Variants in PTBP3 observed in about 807,000 individuals in gnomAD.
The protein encoded by PTBP3 is polypyrimidine tract-binding protein 3.
In PTBP3, 20 loss-of-function variants were observed where a neutral mutation model predicts 58.7. The observed-to-expected ratio is 0.34, with a 90% confidence interval of 0.24 to 0.50. The LOEUF is 0.50. PTBP3 is among the 20% of genes least tolerant of loss of function. PTBP3 has a pLI of 0.98. For synonymous variants in PTBP3, 185 were observed against 219.8 expected (o/e 0.84, Z 1.40); for missense variants, 509 against 637.2 (o/e 0.80, Z 2.17).
chr9:112,259,412 G>A (rs75605537), intron 5 of PTBP3, among the ~76,000 whole-genome samples: 439 of 152,218 alleles, frequency 2.9e-3, no homozygotes, highest in African/African-American at 0.01. Context: ...CTCGCATAGG[G>A]CTTTCTTACT....
intron 12 of PTBP3, among the ~76,000 whole-genome samples, chr9:112,225,331 T>TACTG (rs113038586): frequency 0.56 from 84,361 of 151,500 alleles, 25,176 homozygotes; most frequent in African/African-American, 0.8. Context: ...ACAATGAAAA[T>TACTG]ACCTTACTTC....
intron 2 of PTBP3, among the ~76,000 whole-genome samples, chr9:112,278,218 C>A (rs956112142): frequency 3.9e-5 from 6 of 152,094 alleles, no homozygotes; most frequent in African/African-American, 1.4e-4. Context: ...TTGACACTGA[C>A]AATGTAAATT....
At chr9:112,355,374 T>C in the PTBP3 span, among the ~76,000 whole-genome samples, 11 of 152,232 alleles carry the variant, frequency 7.2e-5, no homozygotes, top group Non-Finnish European at 1.3e-4. Context: ...ATTCTTGTGA[T>C]AATTTTATCT....
At chr9:112,323,698 T>C (rs557068492) in intron 1 of PTBP3, among the ~76,000 whole-genome samples, 7 of 152,216 alleles carry the variant, frequency 4.6e-5, no homozygotes, top group South Asian at 2.1e-4. Flanking sequence ...CTTGAAGATA[T>C]TCCAACAGAA....
chr9:112,313,778 G>A lies in PTBP3; in HGVS notation c.-51-15862C>T, dbSNP rs1043376449. ...TAAGTAGATTTAAGTCCACCATCTC[G>A]CCATTTGTTGTCTTTGGCTCAACTG... On this transcript the variant is annotated intron_variant, in intron 1 of 13. Coordinates refer to ENST00000374257, the MANE Select transcript of PTBP3 (RefSeq NM_001163788.4). 4.6e-5 allele frequency among the ~76,000 whole-genome samples: 7 copies of A among 152,084 alleles called. No individual in the cohort carries two copies. In the South Asian group the frequency reaches 8.3e-4, roughly 18 times the overall value.
At chr9:112,357,497 A>T in the PTBP3 span, among the ~76,000 whole-genome samples, 1 of 152,022 alleles carries the variant, frequency 6.6e-6, no homozygotes, top group Non-Finnish European at 1.5e-5. Context: ...GACTACGCGC[A>T]GGCAGCCATG....
chr9:112,351,543 C>T, the PTBP3 span, among the ~76,000 whole-genome samples: 1 of 152,174 alleles, frequency 6.6e-6, no homozygotes, highest in African/African-American at 2.4e-5. Context: ...ATGCACAGCC[C>T]ACACTTAAGG....
At chr9:112,267,170 T>C (rs1836834878) in intron 4 of PTBP3, among the ~76,000 whole-genome samples, 1 of 128,870 alleles carries the variant, frequency 7.8e-6, no homozygotes, top group Admixed American at 8.1e-5. Context: ...CCCACTTTCT[T>C]TTTTTTTTTT....
At chr9:112,322,848 A>T (rs1315879382) in intron 1 of PTBP3, among the ~76,000 whole-genome samples, 3 of 152,130 alleles carry the variant, frequency 2.0e-5, no homozygotes, top group Non-Finnish European at 4.4e-5. Flanking sequence ...GTTGCTATGG[A>T]CCCCGAGGTG....
chr9:112,276,145 G>C (rs1424496839), intron 2 of PTBP3, 132 bp from the exon 3 acceptor site: 3 of 738,664 alleles, frequency 4.1e-6, no homozygotes, highest in Non-Finnish European at 6.6e-6. Context: ...GGGCTGATGG[G>C]GGTAGGTGGA....
chr9:112,241,633 CTA>C (rs1311266803), intron 7 of PTBP3, among the ~76,000 whole-genome samples: 2 of 152,132 alleles, frequency 1.3e-5, no homozygotes, highest in African/African-American at 4.8e-5. Flanking sequence ...GCTATAACAT[CTA>C]TGTTTGTTTA....
intron 3 of PTBP3, among the ~76,000 whole-genome samples, chr9:112,273,278 G>A (rs889613052): frequency 3.3e-5 from 5 of 152,272 alleles, no homozygotes; most frequent in Admixed American, 2.6e-4. Context: ...AAAAATGTCC[G>A]TGATGTACTT....
intron 1 of PTBP3, 21 bp downstream of exon 1, chr9:112,333,449 G>A: frequency 1.3e-6 from 2 of 1,573,324 alleles, no homozygotes; most frequent in African/African-American, 1.4e-5. Context: ...CGGTGCGGCC[G>A]CCGCGCCGCC....
chr9:112,296,130 G>A (rs114077254), intron 2 of PTBP3, among the ~76,000 whole-genome samples: 4 of 152,236 alleles, frequency 2.6e-5, no homozygotes, highest in Admixed American at 6.5e-5. Flanking sequence ...AAGATTGGAC[G>A]CCCCTGAATT....
chr9:112,254,290 T>A (rs1175488043), intron 5 of PTBP3, among the ~76,000 whole-genome samples: 1 of 152,110 alleles, frequency 6.6e-6, no homozygotes, highest in Non-Finnish European at 1.5e-5. Flanking sequence ...CTGGCCCTGC[T>A]TTTTAATTCT....
chr9:112,254,894 G>T (rs769420057), intron 5 of PTBP3, among the ~76,000 whole-genome samples: 1 of 151,906 alleles, frequency 6.6e-6, no homozygotes, highest in African/African-American at 2.4e-5. Flanking sequence ...TTGAAAACAG[G>T]GACTCAAAGA....
Position 112,222,380 on chromosome 9 carries a change from A to C in PTBP3, c.*1471T>G, listed in dbSNP as rs1424937265. On this transcript the variant is annotated 3_prime_UTR_variant, in exon 14 of 14. Coordinates refer to ENST00000374257, the MANE Select transcript of PTBP3 (RefSeq NM_001163788.4). The stretch of plus-strand genomic sequence containing the variant: ...CTTCTCATACTCCAAATACGTGGGT[A>C]CTCAGTAATGAAAGTCACATTAACA... 7.1e-6 allele frequency: 7 copies of C among 985,622 alleles called. No homozygotes were observed. Among genetic ancestry groups the C allele is most frequent in the Non-Finnish European group, 8.4e-6 (7 of 829,896 alleles). 61.1% of individuals were successfully genotyped at this position (985,622 alleles called of 1,614,324 possible).
At chr9:112,253,422 A>G (rs1174777192) in intron 5 of PTBP3, among the ~76,000 whole-genome samples, 2 of 152,168 alleles carry the variant, frequency 1.3e-5, no homozygotes, top group African/African-American at 4.8e-5. Flanking sequence ...TGAGAAGAAA[A>G]GAGTGAGGGG....
intron 3 of PTBP3, among the ~76,000 whole-genome samples, chr9:112,275,239 G>A (rs905041679): frequency 2.6e-5 from 4 of 151,786 alleles, no homozygotes; most frequent in Admixed American, 6.6e-5. Context: ...AGGTTCAAGC[G>A]ATTCTCCTGC....
Sources: allele counts gnomAD v4.1 joint callset (sites outside exome capture counted in the v4.1 genomes callset), GRCh38; gene constraint gnomAD v4.1.1; transcripts MANE v1.5; gene names NCBI Gene and HGNC (gene_info 2026-07-23, HGNC 2026-07-21).